Variants in DNAH6 observed in about 807,000 individuals in gnomAD.
The protein encoded by DNAH6 is axonemal beta dynein heavy chain 6.
DNAH6 carries 340 observed loss-of-function variants against 491.4 expected under a neutral mutation model. That is an observed-to-expected ratio of 0.69 (90% confidence interval 0.63 to 0.76). The LOEUF (loss-of-function observed/expected upper bound fraction) is 0.76, where lower values mean the gene tolerates loss of function less well. Among genes scored for constraint, DNAH6 ranks in the 30% least tolerant of loss-of-function variants. DNAH6 has a pLI of 0.00. For synonymous variants in DNAH6, 1,603 were observed against 1,686.1 expected, an observed-to-expected ratio of 0.95 and a Z score of 1.21; for missense variants, 4,443 against 4,972.2, an observed-to-expected ratio of 0.89 and a Z score of 3.20.
At chr2:84,640,621 G>T in intron 32 of DNAH6, 43 bp downstream of exon 32, 3 of 1,515,208 alleles carry the variant, frequency 2.0e-6, no homozygotes, top group South Asian at 2.5e-5. Flanking sequence ...CAAACCATGT[G>T]ATCAAATGCA....
chr2:84,617,052 A>G, intron 23 of DNAH6, 70 bp downstream of exon 23: 1 of 835,282 alleles, frequency 1.2e-6, no homozygotes, highest in Non-Finnish European at 1.8e-6. Context: ...GGTTATAATT[A>G]TAACCTCAAA....
intron 61 of DNAH6, among the ~76,000 whole-genome samples, chr2:84,732,047 T>C (rs926856007): frequency 1.8e-4 from 27 of 152,162 alleles, no homozygotes; most frequent in African/African-American, 6.5e-4. Context: ...TTCCTAAGGC[T>C]GCACCCCTTG....
Position 84,704,272 on chromosome 2 carries a change from T to C in DNAH6, c.8435T>C (p.Met2812Thr). The C allele has an allele frequency of 1.3e-6, 2 of 1,551,716 alleles. No individual in the cohort carries two copies. Among genetic ancestry groups the C allele is most frequent in the Non-Finnish European group, 1.7e-6 (2 of 1,146,978 alleles). Reference protein sequence around the residue: ...TKPPDLVMTVMEAISILLNAK... With the variant: ...TKPPDLVMTVTEAISILLNAK... ...CCCCCAGATTTGGTCATGACAGTAA[T>C]GGAAGCAATCTCCATTCTTTTGAAT... The change falls in exon 51 of 77, where the codon ATG (methionine) becomes ACG (threonine). Residue 2812 changes from methionine to threonine, a missense_variant. This residue lies in a region of DNAH6 where 1,463 missense variants were observed against 1,656.6 expected (regional missense o/e 0.88). Transcript: ENST00000389394.
chr2:84,781,283 T>A (rs1157181708), intron 64 of DNAH6, among the ~76,000 whole-genome samples: 3 of 152,218 alleles, frequency 2.0e-5, no homozygotes, highest in African/African-American at 7.2e-5. Context: ...TGTAGAGCTG[T>A]ATATTCGGTT....
chr2:84,715,349 G>A (rs1456003598), intron 57 of DNAH6, among the ~76,000 whole-genome samples: 4 of 152,130 alleles, frequency 2.6e-5, no homozygotes, highest in Admixed American at 2.6e-4. Flanking sequence ...TGTGGTGTTT[G>A]AGGAACAAGA....
chr2:84,497,921 G>A, the DNAH6 span, among the ~76,000 whole-genome samples: 1 of 152,206 alleles, frequency 6.6e-6, no homozygotes, highest in Non-Finnish European at 1.5e-5. Flanking sequence ...CCAGATCTCA[G>A]CTTGTCCCTA....
intron 11 of DNAH6, among the ~76,000 whole-genome samples, chr2:84,572,793 G>A (rs1215217318): frequency 6.6e-6 from 1 of 152,206 alleles, no homozygotes; most frequent in East Asian, 1.9e-4. Flanking sequence ...CAGCCAAGTA[G>A]ACATGGACCA....
chr2:84,730,400 T>C (rs1227619223), intron 61 of DNAH6, among the ~76,000 whole-genome samples: 2 of 152,352 alleles, frequency 1.3e-5, no homozygotes, highest in Non-Finnish European at 2.9e-5. Context: ...GCTATTCTCA[T>C]TGGGTATATT....
At chr2:84,501,325 T>G in the DNAH6 span, among the ~76,000 whole-genome samples, 4 of 152,138 alleles carry the variant, frequency 2.6e-5, no homozygotes, top group Admixed American at 6.5e-5. Flanking sequence ...GTGTATCACA[T>G]TGATTCATTT....
At chr2:84,658,264 G>A (rs1159612720) in intron 35 of DNAH6, 28 bp from the exon 36 acceptor site, 1 of 1,442,244 alleles carries the variant, frequency 6.9e-7, no homozygotes, top group South Asian at 1.4e-5. Context: ...ATCAGGTCTT[G>A]CTAAACTATC....
intron 11 of DNAH6, among the ~76,000 whole-genome samples, chr2:84,561,602 G>A (rs1340065256): frequency 6.6e-6 from 1 of 152,050 alleles, no homozygotes; most frequent in Non-Finnish European, 1.5e-5. Context: ...GAGTGAACAG[G>A]CAACCTACAA....
At chr2:84,637,608 C>G (rs1450487331) in intron 31 of DNAH6, among the ~76,000 whole-genome samples, 1 of 152,146 alleles carries the variant, frequency 6.6e-6, no homozygotes, top group Non-Finnish European at 1.5e-5. Context: ...GCCCCTAAAA[C>G]TGGAAAGAAT....
intron 72 of DNAH6, 56 bp downstream of exon 72, chr2:84,808,598 GTATAA>G (rs1679666376): frequency 6.6e-7 from 1 of 1,523,202 alleles, no homozygotes. Flanking sequence ...GTAGAGAGTT[GTATAA>G]TATGAAATTC....
intron 33 of DNAH6, among the ~76,000 whole-genome samples, chr2:84,650,247 C>G (rs1690313466): frequency 6.6e-6 from 1 of 152,096 alleles, no homozygotes; most frequent in Non-Finnish European, 1.5e-5. Context: ...GCTCTTTCAT[C>G]CTTCCCCATC....
Position 84,516,521 on chromosome 2 carries a change from T to C in DNAH6, c.-71T>C, listed in dbSNP as rs1400552044. 1.3e-5 allele frequency: 2 copies of C among 152,184 alleles called. No homozygotes were observed. Among genetic ancestry groups the C allele is most frequent in the African/African-American group, 4.8e-5 (2 of 41,428 alleles). The allele number at this position is 152,184 out of a possible 1,614,324, so 9.4% of individuals were successfully genotyped here. A position where few individuals can be genotyped will look rare whatever the true frequency, so the allele number is the denominator to read the frequency against. ...ACATTCCGCGCTACCGAGTACTTTCTACTCCCGACCAGGCATTGCTCTCTC... is the reference window on the plus strand; with the variant it reads ...ACATTCCGCGCTACCGAGTACTTTCCACTCCCGACCAGGCATTGCTCTCTC... On this transcript the variant is annotated 5_prime_UTR_variant, in exon 1 of 77. Coordinates refer to ENST00000389394, the MANE Select transcript of DNAH6 (RefSeq NM_001370.2).
intron 74 of DNAH6, among the ~76,000 whole-genome samples, chr2:84,813,497 T>C (rs749672153): frequency 1.3e-5 from 2 of 152,204 alleles, no homozygotes; most frequent in Non-Finnish European, 2.9e-5. Context: ...AGAAATTCTC[T>C]TGATGTGCCT....
rs527309350 is a variant in DNAH6 at position 84,805,907 on chromosome 2, T to C, written c.11611+113T>C. On this transcript the variant is annotated intron_variant, in intron 71 of 76. Coordinates refer to ENST00000389394, the MANE Select transcript of DNAH6 (RefSeq NM_001370.2). ...CTTATTATGTAGACTTTTTTTAACC[T>C]AAAGAGCTCTTTTGACATGGAGCTC... 3 of 916,956 alleles carry C rather than the reference T, an allele frequency of 3.3e-6. No homozygotes were observed. The South Asian group carries it at 7.2e-5, about 22-fold the overall frequency. The allele number at this position is 916,956 out of a possible 1,614,324, so 56.8% of individuals were successfully genotyped here. A position where few individuals can be genotyped will look rare whatever the true frequency, so the allele number is the denominator to read the frequency against.
At chr2:84,629,106 T>C (rs573792798) in intron 29 of DNAH6, among the ~76,000 whole-genome samples, 54 of 152,160 alleles carry the variant, frequency 3.5e-4, no homozygotes, top group Non-Finnish European at 6.5e-4. Context: ...TATAGCTCTA[T>C]TTTTTTAATT....
In DNAH6 at chr2:84,704,364, C is replaced by G. The variant is rs372163465; in HGVS notation, c.8465+62C>G. 252 of 1,230,368 alleles carry G rather than the reference C, an allele frequency of 2.0e-4. 1 individual carries two copies. In the South Asian group the frequency reaches 3.2e-3, roughly 16 times the overall value. The allele number at this position is 1,230,368 out of a possible 1,614,324, so 76.2% of individuals were successfully genotyped here. A position where few individuals can be genotyped will look rare whatever the true frequency, so the allele number is the denominator to read the frequency against. Reference sequence around the variant, plus strand: ...GGTAAGAGTTCTTTACTGTTTTCCTCCATGGTAATGTATATATTCATTCCC... The same window carrying G: ...GGTAAGAGTTCTTTACTGTTTTCCTGCATGGTAATGTATATATTCATTCCC... On this transcript the variant is annotated intron_variant, in intron 51 of 76. Transcript: ENST00000389394.
Sources: allele counts gnomAD v4.1 joint callset (sites outside exome capture counted in the v4.1 genomes callset), GRCh38; gene constraint gnomAD v4.1.1; regional missense constraint gnomAD v4.1.1; transcripts MANE v1.5; gene names NCBI Gene and HGNC (gene_info 2026-07-23, HGNC 2026-07-21).